TAFA1: variants seen among roughly 807,000 people sequenced by gnomAD.
The protein encoded by TAFA1 is TAFA chemokine like family member 1.
Under a neutral mutation model 18.5 loss-of-function variants are expected in TAFA1, and 4 were observed. The observed-to-expected ratio is 0.22, with a 90% CI of 0.11 to 0.49. The LOEUF is 0.49. Ranked by LOEUF, TAFA1 falls within the 20% of genes least tolerant of loss-of-function variation. The pLI, the probability that TAFA1 is intolerant of heterozygous loss-of-function variation, is 0.98. For synonymous variants in TAFA1, 56 were observed against 55.2 expected (o/e 1.01, Z -0.06); for missense variants, 147 against 169.0 (o/e 0.87, Z 0.72).
At position 68,479,241 on chromosome 3, in the gene TAFA1, A is replaced by AAAT. The variant is rs1353493315; in HGVS notation, c.260-59514_260-59513insATA. Among the ~76,000 whole-genome samples, 478 of 123,644 alleles carry AAAT rather than the reference A, an allele frequency of 3.9e-3. 5 individuals carry two copies. The highest frequency in any genetic ancestry group is 0.013 in the East Asian group (51 of 4,028). The allele number at this position is 123,644 out of a possible 152,430, so 81.1% of individuals were successfully genotyped here. A position where few individuals can be genotyped will look rare whatever the true frequency, so the allele number is the denominator to read the frequency against. The stretch of plus-strand genomic sequence containing the variant: ...TGAGACTCCATCTCAAAAAAAAAAA[A>AAAT]ATATATATATATATATATATATGTC... On this transcript the variant is annotated intron_variant, in intron 3 of 4. Transcript: ENST00000478136.
intron 2 of TAFA1, among the ~76,000 whole-genome samples, chr3:68,261,360 T>A (rs943807130): frequency 4.6e-5 from 7 of 152,180 alleles, no homozygotes; most frequent in African/African-American, 1.7e-4. Flanking sequence ...AGTGTGGCGA[T>A]TCCTCAGGGA....
intron 3 of TAFA1, among the ~76,000 whole-genome samples, chr3:68,514,162 A>G (rs1280957356): frequency 6.6e-6 from 1 of 152,170 alleles, no homozygotes; most frequent in Non-Finnish European, 1.5e-5. Context: ...TCCTAACACT[A>G]TCACTTTGGA....
chr3:68,127,737 G>A (rs1291207447), intron 2 of TAFA1, among the ~76,000 whole-genome samples: 1 of 142,748 alleles, frequency 7.0e-6, no homozygotes, highest in African/African-American at 2.6e-5. Context: ...TGGTGGCGGT[G>A]GTGATGATGG....
At chr3:68,394,695 G>A (rs1465742070) in intron 2 of TAFA1, among the ~76,000 whole-genome samples, 1 of 152,056 alleles carries the variant, frequency 6.6e-6, no homozygotes, top group Non-Finnish European at 1.5e-5. Context: ...ACAAGCAATG[G>A]GGAAAGGATT....
intron 3 of TAFA1, among the ~76,000 whole-genome samples, chr3:68,505,255 G>C (rs889488980): frequency 2.2e-4 from 33 of 152,140 alleles, no homozygotes; most frequent in African/African-American, 7.5e-4. Flanking sequence ...CCTGGGAATA[G>C]TCACATATGA....
chr3:68,452,416 G>A (rs1004755780), intron 3 of TAFA1, among the ~76,000 whole-genome samples: 1 of 151,500 alleles, frequency 6.6e-6, no homozygotes, highest in African/African-American at 2.4e-5. Flanking sequence ...CTAGCTACTC[G>A]GGAGGCTGAG....
intron 2 of TAFA1, among the ~76,000 whole-genome samples, chr3:68,227,877 G>T (rs1373347731): frequency 6.6e-6 from 1 of 152,124 alleles, no homozygotes; most frequent in Non-Finnish European, 1.5e-5. Flanking sequence ...AGGTCTGTAC[G>T]TTATAAGTTA....
At chr3:68,255,754 T>A (rs2067286501) in intron 2 of TAFA1, among the ~76,000 whole-genome samples, 1 of 152,112 alleles carries the variant, frequency 6.6e-6, no homozygotes, top group South Asian at 2.1e-4. Flanking sequence ...ATTTTCTGTC[T>A]TCTGAAGATA....
intron 3 of TAFA1, among the ~76,000 whole-genome samples, chr3:68,440,903 T>C (rs1334055137): frequency 6.6e-6 from 1 of 152,150 alleles, no homozygotes. Flanking sequence ...CAGGTGGCAA[T>C]CTTAACTTCC....
chr3:68,103,641 G>T (rs971885268), intron 2 of TAFA1, among the ~76,000 whole-genome samples: 13 of 152,040 alleles, frequency 8.6e-5, no homozygotes, highest in African/African-American at 2.7e-4. Flanking sequence ...AATCTGCTAA[G>T]CTTTTAAGCT....
intron 2 of TAFA1, among the ~76,000 whole-genome samples, chr3:68,113,158 T>C (rs1457168454): frequency 6.6e-6 from 1 of 152,190 alleles, no homozygotes; most frequent in South Asian, 2.1e-4. Flanking sequence ...TCGCACCAGA[T>C]CCCAAGATTT....
chr3:68,100,950 A>C (rs2065140579), intron 2 of TAFA1, among the ~76,000 whole-genome samples: 1 of 152,190 alleles, frequency 6.6e-6, no homozygotes, highest in Admixed American at 6.5e-5. Flanking sequence ...CTGTTCATTC[A>C]CTTTAGCCAC....
At chr3:68,071,351 C>A (rs1488476286) in intron 2 of TAFA1, among the ~76,000 whole-genome samples, 1 of 152,184 alleles carries the variant, frequency 6.6e-6, no homozygotes, top group Non-Finnish European at 1.5e-5. Flanking sequence ...CTGGGAAAGA[C>A]CTGCCCCCGT....
chr3:68,470,853 A>G (rs1858241), intron 3 of TAFA1, among the ~76,000 whole-genome samples: 96,687 of 152,056 alleles, frequency 0.64, 31,329 homozygotes, highest in Non-Finnish European at 0.69. Context: ...CATAAGTAAC[A>G]AGGAGTCAAA....
intron 2 of TAFA1, among the ~76,000 whole-genome samples, chr3:68,223,610 C>T (rs912063463): frequency 1.3e-5 from 2 of 151,584 alleles, no homozygotes; most frequent in African/African-American, 4.9e-5. Context: ...CAGAGAGGCA[C>T]AATATGCAAC....
intron 2 of TAFA1, among the ~76,000 whole-genome samples, chr3:68,206,192 G>C (rs945557178): frequency 6.6e-6 from 1 of 151,758 alleles, no homozygotes; most frequent in Non-Finnish European, 1.5e-5. Context: ...GTTTGAAAGA[G>C]ATATATTATG....
intron 2 of TAFA1, among the ~76,000 whole-genome samples, chr3:68,270,512 C>T (rs968163815): frequency 1.3e-5 from 2 of 152,130 alleles, no homozygotes; most frequent in African/African-American, 2.4e-5. Context: ...TATGCAGCAT[C>T]GATTCCCCTG....
chr3:68,109,227 G>T (rs1164402872), intron 2 of TAFA1, among the ~76,000 whole-genome samples: 3 of 152,112 alleles, frequency 2.0e-5, no homozygotes, highest in African/African-American at 7.2e-5. Flanking sequence ...GTTATATTAA[G>T]TTGGAGATTT....
At chr3:68,308,573 T>G (rs2068460737) in intron 2 of TAFA1, among the ~76,000 whole-genome samples, 1 of 152,188 alleles carries the variant, frequency 6.6e-6, no homozygotes, top group African/African-American at 2.4e-5. Context: ...GCTTCTTATT[T>G]ACTACTTTGT....
Sources: gnomAD v4.1 joint callset for allele counts (sites outside exome capture counted in the v4.1 genomes callset) on GRCh38, gnomAD v4.1.1 for gene constraint, MANE v1.5 for transcripts, NCBI Gene and HGNC (gene_info 2026-07-23, HGNC 2026-07-21) for gene names.